The following CA10 variants were observed in gnomAD, a reference collection of about 807,000 sequenced individuals.
The protein encoded by CA10 is carbonic anhydrase-related protein 10.
Under a neutral mutation model 44.2 loss-of-function variants are expected in CA10, and 14 were observed. That is an observed-to-expected ratio of 0.32 (90% CI 0.21 to 0.50). The LOEUF is 0.50. Among genes scored for constraint, CA10 ranks in the 20% least tolerant of loss-of-function variants. The probability of loss-of-function intolerance (pLI) is 0.99; values close to 1 mark genes in which losing one functional copy is unlikely to be tolerated. For synonymous variants in CA10, 159 were observed against 141.6 expected (o/e 1.12, Z -0.87); for missense variants, 350 against 409.7 (o/e 0.85, Z 1.26).
chr17:51,974,496 TA>T (rs1299270627), intron 2 of CA10, among the ~76,000 whole-genome samples: 1 of 144,862 alleles, frequency 6.9e-6, no homozygotes, highest in Non-Finnish European at 1.5e-5. Flanking sequence ...TCATACAAAC[TA>T]AAACAAAACA....
Position 52,014,697 on chromosome 17 carries a change from G to A in CA10, c.136+57622C>T, listed in dbSNP as rs548864406. Reference sequence around the variant, plus strand: ...GAGACTGGGAGAAGATATTTGCTGGGCACATAAGTGATATAATATTAGTAT... The same window carrying A: ...GAGACTGGGAGAAGATATTTGCTGGACACATAAGTGATATAATATTAGTAT... On this transcript the variant is annotated intron_variant, in intron 2 of 8. Transcript: ENST00000451037. 2.0e-5 allele frequency among the ~76,000 whole-genome samples: 3 copies of A among 151,284 alleles called. No homozygotes were observed. In the East Asian group the frequency reaches 5.8e-4, roughly 29 times the overall value.
chr17:52,098,678 T>C (rs1332905232), intron 1 of CA10, among the ~76,000 whole-genome samples: 3 of 152,166 alleles, frequency 2.0e-5, no homozygotes, highest in Non-Finnish European at 2.9e-5. Context: ...TACACTAGTT[T>C]GGAGGCTAGT....
chr17:52,093,093 C>T (rs947765943), intron 1 of CA10, among the ~76,000 whole-genome samples: 2 of 151,998 alleles, frequency 1.3e-5, no homozygotes, highest in African/African-American at 4.8e-5. Flanking sequence ...CAAGAATCTA[C>T]TGGTAATATT....
intron 3 of CA10, among the ~76,000 whole-genome samples, chr17:51,839,494 C>T (rs1978301594): frequency 1.1e-5 from 1 of 93,118 alleles, no homozygotes; most frequent in Non-Finnish European, 1.9e-5. Context: ...GAGCAAGACT[C>T]CTTCTCAAAA....
chr17:52,026,942 G>A (rs1195015181), intron 2 of CA10, among the ~76,000 whole-genome samples: 3 of 152,020 alleles, frequency 2.0e-5, no homozygotes, highest in African/African-American at 7.2e-5. Context: ...TTGGGGCAAA[G>A]GTTTCAGGAT....
chr17:51,855,132 T>C (rs1234993062), intron 3 of CA10, among the ~76,000 whole-genome samples: 1 of 152,172 alleles, frequency 6.6e-6, no homozygotes. Context: ...TCTGCTTTGT[T>C]ACACTGGCAA....
chr17:51,931,188 A>G lies in CA10; in HGVS notation c.137-56T>C, dbSNP rs143968830. The G allele has an allele frequency of 2.3e-4, 357 of 1,546,750 alleles. No individual in the cohort carries two copies. In the African/African-American group the frequency reaches 4.2e-3, roughly 18 times the overall value. The stretch of plus-strand genomic sequence containing the variant: ...CTGAGTAGCAGGTTGGGGAAACAAC[A>G]TAAATAAACAGAGCTATGTACAAAC... On this transcript the variant is annotated intron_variant, in intron 2 of 8. Coordinates refer to ENST00000451037, the MANE Select transcript of CA10 (RefSeq NM_020178.5).
At chr17:51,935,797 G>A (rs1982841753) in intron 2 of CA10, among the ~76,000 whole-genome samples, 1 of 152,102 alleles carries the variant, frequency 6.6e-6, no homozygotes, top group Admixed American at 6.6e-5. Flanking sequence ...AAAAGCTCCA[G>A]CTGTTTAATA....
intron 2 of CA10, among the ~76,000 whole-genome samples, chr17:51,955,636 C>T (rs1031395402): frequency 1.3e-5 from 2 of 152,166 alleles, no homozygotes; most frequent in East Asian, 3.9e-4. Context: ...ATCACTCCCC[C>T]ACCTAAGCTT....
At chr17:52,159,193 T>A (rs1280575426), upstream of CA10, 1 of 152,366 alleles carries the variant, frequency 6.6e-6, no homozygotes, top group African/African-American at 2.4e-5. Context: ...GCATAATTCA[T>A]TCCCTGCCCT....
chr17:51,697,085 GA>G (rs60585641), intron 4 of CA10, among the ~76,000 whole-genome samples: 13,132 of 138,946 alleles, frequency 0.095, 1,811 homozygotes, highest in African/African-American at 0.31. Context: ...GCAACGTAAT[GA>G]AAAAAAAAAA....
chr17:52,005,699 A>T (rs1023916922), intron 2 of CA10, among the ~76,000 whole-genome samples: 1 of 151,888 alleles, frequency 6.6e-6, no homozygotes, highest in Non-Finnish European at 1.5e-5. Context: ...GTAATGATAA[A>T]CTTTTCAAAA....
At chr17:51,748,254 G>C (rs575045739) in intron 3 of CA10, among the ~76,000 whole-genome samples, 1 of 152,306 alleles carries the variant, frequency 6.6e-6, no homozygotes, top group East Asian at 1.9e-4. Flanking sequence ...TGAGTGACTA[G>C]AAGCAGACGC....
chr17:51,657,888 T>G (rs920282791), intron 4 of CA10, among the ~76,000 whole-genome samples: 1 of 152,228 alleles, frequency 6.6e-6, no homozygotes, highest in Non-Finnish European at 1.5e-5. Context: ...CAAGTTCAAG[T>G]TCAAGAATTT....
rs184195690 is a variant in CA10 at position 51,994,242 on chromosome 17, A to C, written c.137-63110T>G. On this transcript the variant is annotated intron_variant, in intron 2 of 8. Coordinates refer to ENST00000451037, the MANE Select transcript of CA10 (RefSeq NM_020178.5). ...GTACAAGAGTAGGGATTAGATTGAT[A>C]CATAATCCAAGAGTTTTTTTCCCCC... Among the ~76,000 whole-genome samples the C allele has an allele frequency of 9.0e-4, 114 of 126,266 alleles. 1 individual carries two copies. Among genetic ancestry groups the C allele is most frequent in the African/African-American group, 3.6e-3 (102 of 28,446 alleles). The allele number at this position is 126,266 out of a possible 152,430, so 82.8% of individuals were successfully genotyped here.
intron 3 of CA10, among the ~76,000 whole-genome samples, chr17:51,797,940 C>T (rs1045457291): frequency 4.0e-5 from 6 of 150,624 alleles, no homozygotes; most frequent in African/African-American, 1.5e-4. Context: ...CATCTAGGGG[C>T]TACTGATCAC....
At chr17:51,937,961 A>G (rs1422132214) in intron 2 of CA10, among the ~76,000 whole-genome samples, 1 of 152,142 alleles carries the variant, frequency 6.6e-6, no homozygotes. Context: ...CCTAACAACT[A>G]AGATGGATTA....
intron 3 of CA10, among the ~76,000 whole-genome samples, chr17:51,897,014 G>T (rs1981099483): frequency 6.6e-6 from 1 of 151,984 alleles, no homozygotes; most frequent in Non-Finnish European, 1.5e-5. Context: ...CTCCTATTCT[G>T]TAGGTTCTCT....
intron 4 of CA10, among the ~76,000 whole-genome samples, chr17:51,690,254 C>G (rs939149082): frequency 3.9e-5 from 6 of 152,172 alleles, no homozygotes; most frequent in African/African-American, 1.4e-4. Flanking sequence ...CGGCCCCTCT[C>G]TTAGCAATTT....
Sources: allele counts gnomAD v4.1 joint callset (sites outside exome capture counted in the v4.1 genomes callset), GRCh38; gene constraint gnomAD v4.1.1; transcripts MANE v1.5; gene names NCBI Gene and HGNC (gene_info 2026-07-23, HGNC 2026-07-21).